VAX2: variants seen among roughly 807,000 people sequenced by gnomAD.
VAX2 encodes the protein ventral anterior homeobox 2.
A neutral mutation model predicts 12.5 loss-of-function variants in VAX2; 8 were observed. The ratio of observed to expected loss-of-function variants is 0.64; its 90% CI spans 0.37 to 1.15. The LOEUF is 1.15. VAX2 is among the 50% of genes most tolerant of loss of function. VAX2 has a pLI of 0.01. For synonymous variants in VAX2, 183 were observed against 187.6 expected (o/e 0.98, Z 0.20); for missense variants, 476 against 412.9 (o/e 1.15, Z -1.32).
chr2:70,933,312 A>T lies in VAX2; in HGVS notation c.*108A>T. ...CGGAGAGGAGGGGCTGCAGCCACAC[A>T]CTCTTCCCCACCTGCCCCCCAGCTC... On this transcript the variant is annotated 3_prime_UTR_variant, in exon 3 of 3. Coordinates refer to ENST00000234392, the MANE Select transcript of VAX2 (RefSeq NM_012476.3). 2 of 1,103,234 alleles carry T rather than the reference A, an allele frequency of 1.8e-6. No homozygotes were observed. Among genetic ancestry groups the T allele is most frequent in the Non-Finnish European group, 2.4e-6 (2 of 838,914 alleles). 68.3% of individuals were successfully genotyped at this position (1,103,234 alleles called of 1,614,324 possible). A position where few individuals can be genotyped will look rare whatever the true frequency, so the allele number is the denominator to read the frequency against.
intron 1 of VAX2, 89 bp from the exon 2 acceptor site, chr2:70,921,009 T>G: frequency 7.1e-6 from 10 of 1,405,910 alleles, no homozygotes; most frequent in Non-Finnish European, 9.4e-6. Flanking sequence ...AGCTCTGCGA[T>G]AGATCACACC....
At chr2:70,906,470 C>T (rs1030518553) in intron 1 of VAX2, among the ~76,000 whole-genome samples, 5 of 151,138 alleles carry the variant, frequency 3.3e-5, no homozygotes, top group Non-Finnish European at 7.4e-5. Context: ...GAACCATCTC[C>T]CCCGTGGCCT....
chr2:70,911,005 CA>C (rs369204980), intron 1 of VAX2, among the ~76,000 whole-genome samples: 1 of 151,712 alleles, frequency 6.6e-6, no homozygotes, highest in Non-Finnish European at 1.5e-5. Flanking sequence ...TGTTTGCTAC[CA>C]AAAAAATTTT....
Position 70,929,686 on chromosome 2 carries a change from C to CAA in VAX2, c.436-3070_436-3069dup, listed in dbSNP as rs59020150. On this transcript the variant is annotated intron_variant, in intron 2 of 2. Coordinates refer to ENST00000234392, the MANE Select transcript of VAX2 (RefSeq NM_012476.3). Reference sequence around the variant, plus strand: ...TGGGCTACAGAGTGAGACTCCATCTCAAAAAAAAAAAACAATGTATATAGC... The same window carrying CAA: ...TGGGCTACAGAGTGAGACTCCATCTCAAAAAAAAAAAAAACAATGTATATAGC... Among the ~76,000 whole-genome samples, 1,121 of 142,782 alleles carry CAA rather than the reference C, an allele frequency of 7.9e-3. 31 individuals carry two copies. The highest frequency in any genetic ancestry group is 0.027 in the African/African-American group (1,026 of 38,094). 93.7% of individuals were successfully genotyped at this position (142,782 alleles called of 152,430 possible).
chr2:70,931,332 A>G lies in VAX2; in HGVS notation c.436-1435A>G, dbSNP rs540039645. On this transcript the variant is annotated intron_variant, in intron 2 of 2. Coordinates refer to ENST00000234392, the MANE Select transcript of VAX2 (RefSeq NM_012476.3). The stretch of plus-strand genomic sequence containing the variant: ...GTCCTCAGCTTTGAATGTGTGGCCA[A>G]CAGAAGTCCCCCTCAACAACCTGCC... Among the ~76,000 whole-genome samples, 8 of 152,344 alleles carry G rather than the reference A, an allele frequency of 5.3e-5. 1 individual carries two copies. Among genetic ancestry groups the G allele is most frequent in the Middle Eastern group, 6.8e-3 (2 of 294 alleles).
At chr2:70,905,442 T>C (rs1419411140) in intron 1 of VAX2, among the ~76,000 whole-genome samples, 2 of 152,044 alleles carry the variant, frequency 1.3e-5, no homozygotes, top group Admixed American at 1.3e-4. Flanking sequence ...GGCCCTCTCA[T>C]TTGGGTCTTC....
At chr2:70,932,637 ACCCC>A in intron 2 of VAX2, 126 bp from the exon 3 acceptor site, 2 of 144,552 alleles carry the variant, frequency 1.4e-5, no homozygotes, top group Non-Finnish European at 2.9e-5. Flanking sequence ...CCACCCTCAC[ACCCC>A]ACCCCCACCC....
intron 1 of VAX2, 141 bp from the exon 2 acceptor site, chr2:70,920,957 A>G: frequency 1.0e-6 from 1 of 988,914 alleles, no homozygotes; most frequent in South Asian, 2.1e-5. Context: ...AGAGAGGGTG[A>G]GCAACTTGTC....
chr2:70,913,188 A>T (rs1310938750), intron 1 of VAX2, among the ~76,000 whole-genome samples: 1 of 152,190 alleles, frequency 6.6e-6, no homozygotes, highest in Admixed American at 6.5e-5. Flanking sequence ...GATACTCAGA[A>T]ACCCAGGCTG....
intron 2 of VAX2, among the ~76,000 whole-genome samples, chr2:70,931,282 T>C (rs1679689259): frequency 6.6e-6 from 1 of 152,216 alleles, no homozygotes; most frequent in Non-Finnish European, 1.5e-5. Flanking sequence ...TTCTGGTGAC[T>C]TTCTTCAGAC....
At chr2:70,913,799 G>A (rs969294951) in intron 1 of VAX2, among the ~76,000 whole-genome samples, 2 of 152,116 alleles carry the variant, frequency 1.3e-5, no homozygotes, top group African/African-American at 4.8e-5. Context: ...GCTCATTTCT[G>A]TATCCCCAGG....
chr2:70,923,462 A>G (rs1049087107), intron 2 of VAX2, among the ~76,000 whole-genome samples: 1 of 152,168 alleles, frequency 6.6e-6, no homozygotes, highest in Non-Finnish European at 1.5e-5. Flanking sequence ...CAACAGTTCA[A>G]TACTGACACT....
chr2:70,932,729 C>T, intron 2 of VAX2, 38 bp from the exon 3 acceptor site: 1 of 1,279,146 alleles, frequency 7.8e-7, no homozygotes, highest in Non-Finnish European at 1.0e-6. Context: ...CTTTGCCTGT[C>T]CCATCTCCCT....
At chr2:70,918,953 C>T (rs552713345) in intron 1 of VAX2, among the ~76,000 whole-genome samples, 33 of 151,854 alleles carry the variant, frequency 2.2e-4, no homozygotes, top group Non-Finnish European at 2.9e-4. Flanking sequence ...CCTGTAATCC[C>T]AGCACTTTGG....
intron 1 of VAX2, among the ~76,000 whole-genome samples, chr2:70,917,181 G>A (rs925105308): frequency 9.0e-4 from 125 of 138,536 alleles, no homozygotes; most frequent in Non-Finnish European, 1.4e-3. Context: ...AATCAGCCGC[G>A]CATGGTGGCA....
intron 2 of VAX2, among the ~76,000 whole-genome samples, chr2:70,930,317 TGA>T (rs1400749086): frequency 6.6e-6 from 1 of 152,168 alleles, no homozygotes; most frequent in African/African-American, 2.4e-5. Flanking sequence ...AGAACAGCCT[TGA>T]CTCACTGCTT....
intron 1 of VAX2, among the ~76,000 whole-genome samples, chr2:70,905,735 C>A (rs1553410522): frequency 6.6e-6 from 1 of 152,150 alleles, no homozygotes; most frequent in Non-Finnish European, 1.5e-5. Context: ...GTCCGAGGGG[C>A]AAGGAGGCCA....
rs1679011555 is a variant in VAX2, at chr2:70,904,763, C to G, written c.247+3895C>G. ...CGGATGGCTGGGGGCTGAGGGGACG[C>G]GTGAAGCCCAGGCCTCTTGCTTGGG... On this transcript the variant is annotated intron_variant, in intron 1 of 2. Transcript: ENST00000234392. The surrounding 1 kb of genome is among the most constrained non-coding windows in gnomAD (Gnocchi z 4.2). 6.6e-6 allele frequency among the ~76,000 whole-genome samples: 1 copy of G among 152,226 alleles called. No individual in the cohort carries two copies. The highest frequency in any genetic ancestry group is 2.4e-5 in the African/African-American group (1 of 41,472).
intron 1 of VAX2, among the ~76,000 whole-genome samples, chr2:70,902,253 CA>C (rs564118391): frequency 2.9e-4 from 44 of 152,294 alleles, no homozygotes; most frequent in African/African-American, 9.9e-4. Flanking sequence ...AATACAGAGA[CA>C]GGGGCCTTAG....
Sources: allele counts gnomAD v4.1 joint callset (sites outside exome capture counted in the v4.1 genomes callset), GRCh38; gene constraint gnomAD v4.1.1; non-coding constraint Gnocchi (gnomAD v3.1); transcripts MANE v1.5; gene names NCBI Gene and HGNC (gene_info 2026-07-23, HGNC 2026-07-21).